The following KIF21A variants were observed in gnomAD, a reference collection of about 807,000 sequenced individuals.
KIF21A encodes kinesin family member 21A, also known as kinesin-like protein KIF21A.
A neutral mutation model predicts 202.9 loss-of-function variants in KIF21A; 114 were observed. The ratio of observed to expected loss-of-function variants is 0.56; its 90% CI spans 0.48 to 0.66. The LOEUF is 0.66. Ranked by LOEUF, KIF21A falls within the 30% of genes least tolerant of loss-of-function variation. The pLI is 0.00. For synonymous variants in KIF21A, 667 were observed against 670.8 expected (o/e 0.99, Z 0.09); for missense variants, 1,677 against 1,994.9 (o/e 0.84, Z 3.04).
At chr12:39,424,142 C>T (rs1954561453) in intron 1 of KIF21A, among the ~76,000 whole-genome samples, 1 of 148,886 alleles carries the variant, frequency 6.7e-6, no homozygotes, top group Non-Finnish European at 1.5e-5. Context: ...AAGCACTCCA[C>T]TAAAGCAGCT....
At chr12:39,345,992 AT>A (rs922584606) in intron 12 of KIF21A, among the ~76,000 whole-genome samples, 20 of 151,486 alleles carry the variant, frequency 1.3e-4, no homozygotes, top group South Asian at 1.3e-3. Context: ...CATTTTAATG[AT>A]TTTTTTTTCC....
intron 1 of KIF21A, among the ~76,000 whole-genome samples, chr12:39,403,655 T>G (rs1044505380): frequency 6.6e-6 from 1 of 152,172 alleles, no homozygotes; most frequent in African/African-American, 2.4e-5. Context: ...AGGCTTTTTA[T>G]GAAGATAAAA....
chr12:39,441,165 C>T (rs1228989142), intron 1 of KIF21A, among the ~76,000 whole-genome samples: 6 of 152,226 alleles, frequency 3.9e-5, no homozygotes, highest in Non-Finnish European at 7.4e-5. Flanking sequence ...AAAAATCAAA[C>T]CCACATTCAT....
intron 32 of KIF21A, among the ~76,000 whole-genome samples, chr12:39,310,830 T>C (rs549413766): frequency 6.6e-6 from 1 of 152,156 alleles, no homozygotes; most frequent in South Asian, 2.1e-4. Flanking sequence ...CTTGCAATTG[T>C]ACAAAAGGGG....
chr12:39,370,698 G>A (rs748548380), intron 1 of KIF21A, among the ~76,000 whole-genome samples: 4 of 151,898 alleles, frequency 2.6e-5, no homozygotes, highest in Non-Finnish European at 5.9e-5. Flanking sequence ...TTAATGTCTT[G>A]ACGCCCTTGA....
chr12:39,301,497 G>A lies in KIF21A; in HGVS notation c.4914C>T (p.His1638=), dbSNP rs757124879. 1 of 1,613,904 alleles carries A rather than the reference G, an allele frequency of 6.2e-7. No individual in the cohort carries two copies. The change falls in exon 37 of 38, where the codon CAC becomes CAT. Residue 1638 remains histidine, a synonymous_variant. Coordinates refer to ENST00000361418, the MANE Select transcript of KIF21A (RefSeq NM_001173464.2). The part of the protein sequence containing the change: ...PINAICVNST[H]IFTAADDRTV... The stretch of plus-strand genomic sequence containing the variant: ...AAACTTACTCAGCTGCAGTAAAAAT[G>A]TGGGTGGAATTAACACATATGGCAT...
intron 11 of KIF21A, among the ~76,000 whole-genome samples, chr12:39,348,898 C>T (rs1948131720): frequency 6.6e-6 from 1 of 151,850 alleles, no homozygotes; most frequent in South Asian, 2.1e-4. Flanking sequence ...TTTAAAAATT[C>T]CAAATACCCC....
intron 1 of KIF21A, among the ~76,000 whole-genome samples, chr12:39,425,244 A>T (rs1052471857): frequency 8.5e-5 from 13 of 152,248 alleles, no homozygotes; most frequent in South Asian, 2.1e-4. Flanking sequence ...TTTAAAAAAA[A>T]ATATTTATTG....
At chr12:39,340,500 T>C in intron 15 of KIF21A, 136 bp from the exon 16 acceptor site, 1 of 664,974 alleles carries the variant, frequency 1.5e-6, no homozygotes, top group Non-Finnish European at 2.6e-6. Flanking sequence ...TGTCTTTCAA[T>C]CATTCTCTCT....
rs533235640 is a variant in KIF21A at position 39,386,720 on chromosome 12, A to T, written c.45-16459T>A. On this transcript the variant is annotated intron_variant, in intron 1 of 37. Transcript: ENST00000361418. ...CAGCCTAAATAAAGCAGTCTCAGGC[A>T]GACGTCTAAGTGAATTCAGCTCTAC... Among the ~76,000 whole-genome samples the T allele has an allele frequency of 1.3e-4, 20 of 152,296 alleles. No individual in the cohort carries two copies. In the South Asian group the frequency reaches 4.1e-3, roughly 32 times the overall value.
chr12:39,389,748 G>C (rs1039946874), intron 1 of KIF21A, among the ~76,000 whole-genome samples: 1 of 152,054 alleles, frequency 6.6e-6, no homozygotes, highest in Non-Finnish European at 1.5e-5. Flanking sequence ...GGAGTGCAGG[G>C]CATTTTTTTT....
intron 1 of KIF21A, among the ~76,000 whole-genome samples, chr12:39,381,069 G>C (rs1950578661): frequency 6.6e-6 from 1 of 152,082 alleles, no homozygotes; most frequent in East Asian, 1.9e-4. Context: ...ACTTTGGGAG[G>C]CTGAGGAGGG....
chr12:39,388,905 G>A (rs1408576515), intron 1 of KIF21A, among the ~76,000 whole-genome samples: 1 of 152,092 alleles, frequency 6.6e-6, no homozygotes, highest in African/African-American at 2.4e-5. Context: ...AAACCTCACT[G>A]AAAGAAATGC....
intron 12 of KIF21A, among the ~76,000 whole-genome samples, chr12:39,342,376 G>C (rs543649641): frequency 6.6e-6 from 1 of 152,116 alleles, no homozygotes; most frequent in Non-Finnish European, 1.5e-5. Context: ...GATTATGCCC[G>C]AAAGCACGAG....
chr12:39,360,943 C>G (rs1047543750), intron 7 of KIF21A, among the ~76,000 whole-genome samples: 3 of 152,184 alleles, frequency 2.0e-5, no homozygotes, highest in African/African-American at 7.2e-5. Flanking sequence ...AAGGCTTACA[C>G]AAAGTACAGT....
intron 1 of KIF21A, among the ~76,000 whole-genome samples, chr12:39,374,475 T>G (rs1355089335): frequency 1.3e-5 from 2 of 152,132 alleles, no homozygotes; most frequent in Non-Finnish European, 2.9e-5. Context: ...TTTTTAAAAA[T>G]GTATTATTCT....
chr12:39,332,600 T>C lies in KIF21A; in HGVS notation c.2847A>G (p.Arg949=). 2 of 1,612,166 alleles carry C rather than the reference T, an allele frequency of 1.2e-6. No homozygotes were observed. Among genetic ancestry groups the C allele is most frequent in the East Asian group, 4.5e-5 (2 of 44,770 alleles). The change falls in exon 20 of 38, where the codon AGA becomes AGG. Residue 949 remains arginine, a synonymous_variant. Coordinates refer to ENST00000361418, the MANE Select transcript of KIF21A (RefSeq NM_001173464.2). The part of the protein sequence containing the change: ...TISNMEADMN[R]LLKQREELTK... The stretch of plus-strand genomic sequence containing the variant: ...TCTCTATTTTCCACACCTTGAGGAG[T>C]CTATTCATATCTGCCTCCATGTTGG...
intron 1 of KIF21A, among the ~76,000 whole-genome samples, chr12:39,398,650 G>T (rs1951936664): frequency 6.6e-6 from 1 of 152,172 alleles, no homozygotes; most frequent in Non-Finnish European, 1.5e-5. Context: ...GCCCTATAAT[G>T]TGAATTTGGT....
At chr12:39,318,682 G>A (rs537000777) in intron 28 of KIF21A, among the ~76,000 whole-genome samples, 6 of 152,208 alleles carry the variant, frequency 3.9e-5, no homozygotes, top group South Asian at 4.1e-4. Context: ...AAGCAAGGGT[G>A]ATAAGAAGGA....
Sources: gnomAD v4.1 joint callset for allele counts (sites outside exome capture counted in the v4.1 genomes callset) on GRCh38, gnomAD v4.1.1 for gene constraint, MANE v1.5 for transcripts, NCBI Gene and HGNC (gene_info 2026-07-23, HGNC 2026-07-21) for gene names.